ARMCX4: variants seen among roughly 807,000 people sequenced by gnomAD.
ARMCX4 encodes armadillo repeat containing X-linked 4, also known as armadillo repeat-containing X-linked protein 4.
In ARMCX4, 3 loss-of-function variants were observed where a neutral mutation model predicts 34.7. The observed-to-expected ratio is 0.09, with a 90% confidence interval of 0.04 to 0.22. ARMCX4 has a LOEUF of 0.22. ARMCX4 is among the 10% of genes least tolerant of loss of function. ARMCX4 has a pLI of 1.00. For missense variants in ARMCX4, 1,448 were observed against 1,720.8 expected, an observed-to-expected ratio of 0.84 and a Z score of 2.81; for synonymous variants, 513 against 632.8, an observed-to-expected ratio of 0.81 and a Z score of 2.84.
At chrX:101,529,479 A>C (rs1556021523) in intron 11 of ARMCX4, among the ~76,000 whole-genome samples, 1 of 112,122 alleles carries the variant, frequency 8.9e-6, no homozygotes, top group Non-Finnish European at 1.9e-5. Context: ...CAAAATTGAC[A>C]AATGGGATCC....
chrX:101,432,814 A>G (rs1313080228), intron 2 of ARMCX4, among the ~76,000 whole-genome samples: 1 of 104,634 alleles, frequency 9.6e-6, no homozygotes, highest in East Asian at 3.0e-4. Flanking sequence ...ATGTATACAT[A>G]TATATGTATA....
rs782323322 is a variant in ARMCX4 at position 101,512,576 on chromosome X, CT to C, written c.*1780+1522del. Among the ~76,000 whole-genome samples, 217 of 109,365 alleles carry C rather than the reference CT, an allele frequency of 2.0e-3. 1 individual carries two copies. Among genetic ancestry groups the C allele is most frequent in the African/African-American group, 6.6e-3 (200 of 30,124 alleles). The allele number at this position is 109,365 out of a possible 115,157, so 95.0% of individuals were successfully genotyped here. On this transcript the variant is annotated intron_variant and NMD_transcript_variant, in intron 11 of 12. Transcript: ENST00000354842. ...TTCTAGGTCATTCAATGTTTATCCACTGATCTTCCAATATTTTGTTAATATA... is the reference window on the plus strand; with the variant it reads ...TTCTAGGTCATTCAATGTTTATCCACGATCTTCCAATATTTTGTTAATATA...
At chrX:101,440,159 T>C (rs1205153490) in intron 2 of ARMCX4, among the ~76,000 whole-genome samples, 1 of 111,746 alleles carries the variant, frequency 8.9e-6, no homozygotes, top group Non-Finnish European at 1.9e-5. Context: ...CGTTTTGGTG[T>C]GTATGTCCTT....
downstream of ARMCX4, among the ~76,000 whole-genome samples, chrX:101,452,716 C>T (rs147440305): frequency 0.017 from 1,805 of 109,331 alleles, 43 homozygotes; most frequent in African/African-American, 0.057. Flanking sequence ...CCACCACACC[C>T]GGCTAATTTT....
chrX:101,516,070 C>T (rs1273643212), intron 11 of ARMCX4, among the ~76,000 whole-genome samples: 1 of 111,321 alleles, frequency 9.0e-6, no homozygotes, highest in Non-Finnish European at 1.9e-5. Context: ...TAAATTAATG[C>T]TGTTTGTTGA....
At chrX:101,500,464 C>T (rs148363576), downstream of ARMCX4, among the ~76,000 whole-genome samples, 31 of 110,980 alleles carry the variant, frequency 2.8e-4, no homozygotes, top group East Asian at 7.7e-3. Flanking sequence ...AAATTATTGC[C>T]GCCTTTGAAG....
intron 2 of ARMCX4, among the ~76,000 whole-genome samples, chrX:101,437,493 C>A (rs1351957054): frequency 9.0e-6 from 1 of 111,191 alleles, no homozygotes; most frequent in Non-Finnish European, 1.9e-5. Context: ...GTGGTGATAT[C>A]CCCTTTATCA....
chrX:101,427,365 T>C (rs781946447), intron 2 of ARMCX4, among the ~76,000 whole-genome samples: 2 of 110,404 alleles, frequency 1.8e-5, no homozygotes, highest in African/African-American at 3.3e-5. Flanking sequence ...CAGCTTCTGG[T>C]GAGAGCTTTC....
chrX:101,528,102 G>C (rs1207402037), intron 11 of ARMCX4, among the ~76,000 whole-genome samples: 1 of 111,515 alleles, frequency 9.0e-6, no homozygotes, highest in African/African-American at 3.3e-5. Flanking sequence ...CTGGCAAACA[G>C]AATCCAGCAG....
At chrX:101,466,161 A>G (rs1176187010) in intron 4 of ARMCX4, among the ~76,000 whole-genome samples, 2 of 112,422 alleles carry the variant, frequency 1.8e-5, no homozygotes, top group Admixed American at 9.5e-5. Flanking sequence ...CGATATTAAG[A>G]AAACAACAAC....
intron 2 of ARMCX4, among the ~76,000 whole-genome samples, chrX:101,435,701 G>C (rs1163148362): frequency 9.2e-6 from 1 of 108,971 alleles, no homozygotes; most frequent in Non-Finnish European, 1.9e-5. Flanking sequence ...TGGTGTTTTA[G>C]ACATGAAGTC....
chrX:101,473,154 G>A (rs377345767), intron 4 of ARMCX4, among the ~76,000 whole-genome samples: 207 of 110,746 alleles, frequency 1.9e-3, no homozygotes, highest in African/African-American at 6.0e-3. Flanking sequence ...CAGGGGTTGC[G>A]ATCCTAGTCT....
chrX:101,529,935 A>T (rs1029276949), intron 11 of ARMCX4, among the ~76,000 whole-genome samples: 8 of 111,912 alleles, frequency 7.1e-5, no homozygotes, highest in Non-Finnish European at 1.5e-4. Flanking sequence ...GCGGTTCCTC[A>T]GGGATCTAGT....
chrX:101,450,320 C>T (rs1162878081), downstream of ARMCX4, among the ~76,000 whole-genome samples: 2 of 112,435 alleles, frequency 1.8e-5, no homozygotes, highest in African/African-American at 3.2e-5. Context: ...TTCCCACAGG[C>T]AGATAAGCCT....
chrX:101,433,955 T>G (rs1555993432), intron 2 of ARMCX4, among the ~76,000 whole-genome samples: 2 of 109,626 alleles, frequency 1.8e-5, no homozygotes, highest in South Asian at 3.9e-4. Flanking sequence ...CACTTTTTTT[T>G]TTTTTTCCGA....
intron 4 of ARMCX4, among the ~76,000 whole-genome samples, chrX:101,465,488 T>A (rs1405301476): frequency 8.9e-6 from 1 of 112,247 alleles, no homozygotes; most frequent in Non-Finnish European, 1.9e-5. Flanking sequence ...GAAGATCAAA[T>A]AATTCTAAAT....
chrX:101,456,209 G>A (rs1932276281), intron 4 of ARMCX4, among the ~76,000 whole-genome samples: 1 of 111,876 alleles, frequency 8.9e-6, no homozygotes, highest in South Asian at 3.7e-4. Context: ...TTAAATGGTC[G>A]TTCAACTCTA....
intron 2 of ARMCX4, among the ~76,000 whole-genome samples, chrX:101,438,396 C>A (rs1396020813): frequency 9.0e-6 from 1 of 111,394 alleles, no homozygotes; most frequent in Non-Finnish European, 1.9e-5. Context: ...AACCCAATCT[C>A]TACTAAAAAA....
chrX:101,496,682 G>T (rs1306530283), downstream of ARMCX4, among the ~76,000 whole-genome samples: 1 of 111,312 alleles, frequency 9.0e-6, no homozygotes, highest in Non-Finnish European at 1.9e-5. Context: ...GGTTAAGGTG[G>T]GGCCTTTATG....
Sources: gnomAD v4.1 joint callset for allele counts (sites outside exome capture counted in the v4.1 genomes callset) on GRCh38, gnomAD v4.1.1 for gene constraint, MANE v1.5 for transcripts, NCBI Gene and HGNC (gene_info 2026-07-23, HGNC 2026-07-21) for gene names.